The following ZMYM4 variants were observed in gnomAD, a reference collection of about 807,000 sequenced individuals.
ZMYM4 encodes the protein zinc finger MYM-type containing 4.
Under a neutral mutation model 183.2 loss-of-function variants are expected in ZMYM4, and 31 were observed. That is an observed-to-expected ratio of 0.17 (90% confidence interval 0.13 to 0.23). The LOEUF (loss-of-function observed/expected upper bound fraction) is 0.23, where lower values mean the gene tolerates loss of function less well. Among genes scored for constraint, ZMYM4 ranks in the 10% least tolerant of loss-of-function variants. ZMYM4 has a pLI of 1.00. For missense variants in ZMYM4, 1,273 were observed against 1,840.3 expected (o/e 0.69, Z 5.64); for synonymous variants, 592 against 631.2 (o/e 0.94, Z 0.93).
intron 9 of ZMYM4, 44 bp downstream of exon 9, chr1:35,381,802 T>C: frequency 6.3e-7 from 1 of 1,590,462 alleles, no homozygotes; most frequent in Non-Finnish European, 8.6e-7. Context: ...TCAGTTCAGG[T>C]AATCTGTATT....
chr1:35,374,015 G>A (rs1298895104), intron 7 of ZMYM4, among the ~76,000 whole-genome samples: 1 of 138,530 alleles, frequency 7.2e-6, no homozygotes, highest in Non-Finnish European at 1.6e-5. Context: ...TTCATCATGG[G>A]ATTCTTTTTT....
At chr1:35,390,412 A>G (rs184614347) in intron 15 of ZMYM4, among the ~76,000 whole-genome samples, 2 of 150,906 alleles carry the variant, frequency 1.3e-5, no homozygotes, top group Admixed American at 1.3e-4. Flanking sequence ...TGGGTAGGTA[A>G]AGGAAAAAGG....
chr1:35,277,703 A>C (rs555867328), intron 1 of ZMYM4, among the ~76,000 whole-genome samples: 27 of 152,196 alleles, frequency 1.8e-4, no homozygotes, highest in African/African-American at 6.5e-4. Context: ...TTCCCTCATC[A>C]ATTATTTGGT....
chr1:35,364,115 T>C (rs866079335), intron 5 of ZMYM4, among the ~76,000 whole-genome samples: 2 of 152,234 alleles, frequency 1.3e-5, no homozygotes, highest in African/African-American at 2.4e-5. Flanking sequence ...TATATACTTA[T>C]TCAGAATTAT....
At chr1:35,350,931 G>A in intron 2 of ZMYM4, 1 of 659,904 alleles carries the variant, frequency 1.5e-6, no homozygotes, top group Non-Finnish European at 2.7e-6. Context: ...TATAGAGGGG[G>A]ATATGATAGT....
At chr1:35,328,985 C>T (rs1232149942) in intron 2 of ZMYM4, among the ~76,000 whole-genome samples, 1 of 151,994 alleles carries the variant, frequency 6.6e-6, no homozygotes, top group Non-Finnish European at 1.5e-5. Context: ...ACTCATTGCC[C>T]AAGACCACCG....
At position 35,335,546 on chromosome 1, in the gene ZMYM4, C is replaced by T. The variant is rs150782998; in HGVS notation, c.85+10141C>T. ...GAGCCACCATGCCTGGCCCTCATTG[C>T]GTATTTCTGAGATTTTACTGCATTG... is the stretch of plus-strand genomic sequence containing the variant. On this transcript the variant is annotated intron_variant, in intron 2 of 29. Coordinates refer to ENST00000314607, the MANE Select transcript of ZMYM4 (RefSeq NM_005095.3). Among the ~76,000 whole-genome samples, 52 of 152,136 alleles carry T rather than the reference C, an allele frequency of 3.4e-4. 1 individual carries two copies. Among genetic ancestry groups the T allele is most frequent in the African/African-American group, 1.1e-3 (47 of 41,532 alleles).
Position 35,419,724 on chromosome 1 carries a change from CTG to C in ZMYM4, c.*50_*51del, listed in dbSNP as rs753999569. On this transcript the variant is annotated 3_prime_UTR_variant, in exon 30 of 30. Transcript: ENST00000314607. ...TTCATACATATTGGTATGCACCAAA[CTG>C]TGAATGCATCCAGCTGTTGGAAAAT... 1.1e-5 allele frequency: 17 copies of C among 1,571,362 alleles called. No individual in the cohort carries two copies. In the South Asian group the frequency reaches 1.3e-4, roughly 12 times the overall value.
intron 1 of ZMYM4, among the ~76,000 whole-genome samples, chr1:35,302,882 G>A (rs1247264095): frequency 1.3e-5 from 2 of 151,674 alleles, no homozygotes; most frequent in East Asian, 3.9e-4. Flanking sequence ...GCTCATGCCT[G>A]CAATCTCAGC....
chr1:35,381,149 T>G, intron 7 of ZMYM4, 110 bp from the exon 8 acceptor site: 1 of 878,624 alleles, frequency 1.1e-6, no homozygotes. Flanking sequence ...AATTCCAGTG[T>G]TATTTCCCTA....
intron 1 of ZMYM4, among the ~76,000 whole-genome samples, chr1:35,276,035 T>TTTTTG (rs1360908154): frequency 6.6e-6 from 1 of 152,184 alleles, no homozygotes; most frequent in Non-Finnish European, 1.5e-5. Context: ...ATAGTCCTTT[T>TTTTTG]TTTTGTTTTG....
chr1:35,360,934 G>A (rs1003069020), intron 3 of ZMYM4, among the ~76,000 whole-genome samples: 2 of 147,724 alleles, frequency 1.4e-5, no homozygotes, highest in Non-Finnish European at 3.0e-5. Flanking sequence ...AATTTTCAGA[G>A]CAAAAATAAT....
At chr1:35,318,938 G>A (rs145260053) in intron 1 of ZMYM4, among the ~76,000 whole-genome samples, 1,833 of 152,284 alleles carry the variant, frequency 0.012, 39 homozygotes, top group African/African-American at 0.042. Context: ...CCAGGGTGGA[G>A]TGCAGTGGCA....
In ZMYM4 at chr1:35,420,074, G is replaced by A. The variant is rs1254760179; in HGVS notation, c.*397G>A. ...TGGCTGCAATAGGCTACTTTGGCAA[G>A]CCCTCCGTAAAAGTCAGAGGAGAGA... On this transcript the variant is annotated 3_prime_UTR_variant, in exon 30 of 30. Coordinates refer to ENST00000314607, the MANE Select transcript of ZMYM4 (RefSeq NM_005095.3). 1.5e-5 allele frequency: 4 copies of A among 274,272 alleles called. No individual in the cohort carries two copies. The highest frequency in any genetic ancestry group is 8.7e-5 in the African/African-American group (4 of 45,750). 17.0% of individuals were successfully genotyped at this position (274,272 alleles called of 1,614,324 possible).
rs34277367 is a variant in ZMYM4, at chr1:35,394,162, CTTTTTTTT to C, written c.2911+446_2911+453del. Among the ~76,000 whole-genome samples the C allele has an allele frequency of 8.9e-3, 611 of 68,410 alleles. 1 individual carries two copies. Among genetic ancestry groups the C allele is most frequent in the Middle Eastern group, 0.033 (2 of 60 alleles). The allele number at this position is 68,410 out of a possible 152,430, so 44.9% of individuals were successfully genotyped here. ...CCTTTGAGGAGAGCTTCAGAGCTTTCTTTTTTTTTTTTTTTTTTTTTTTTTTTTTTATG... is the reference window on the plus strand; with the variant it reads ...CCTTTGAGGAGAGCTTCAGAGCTTTCTTTTTTTTTTTTTTTTTTTTTTATG... On this transcript the variant is annotated intron_variant, in intron 18 of 29. Coordinates refer to ENST00000314607, the MANE Select transcript of ZMYM4 (RefSeq NM_005095.3).
intron 2 of ZMYM4, among the ~76,000 whole-genome samples, chr1:35,347,970 C>G (rs993305222): frequency 6.6e-6 from 1 of 152,070 alleles, no homozygotes; most frequent in South Asian, 2.1e-4. Context: ...AGACTTTTGA[C>G]AGTTTTTAGG....
chr1:35,280,652 C>T (rs1442034207), intron 1 of ZMYM4, among the ~76,000 whole-genome samples: 2 of 152,184 alleles, frequency 1.3e-5, no homozygotes, highest in Admixed American at 6.5e-5. Context: ...ATTCTTCCTC[C>T]TCTCTTTGAG....
intron 23 of ZMYM4, among the ~76,000 whole-genome samples, chr1:35,403,276 C>T (rs567161210): frequency 1.7e-4 from 26 of 151,842 alleles, no homozygotes; most frequent in African/African-American, 5.1e-4. Context: ...TAATATTCTG[C>T]GAAGGTTTTT....
intron 5 of ZMYM4, among the ~76,000 whole-genome samples, chr1:35,367,520 C>T (rs1055253782): frequency 2.6e-5 from 4 of 152,234 alleles, no homozygotes; most frequent in African/African-American, 7.2e-5. Context: ...TGAGCCACCA[C>T]GTCTGGCCAT....
Sources: allele counts gnomAD v4.1 joint callset (sites outside exome capture counted in the v4.1 genomes callset), GRCh38; gene constraint gnomAD v4.1.1; transcripts MANE v1.5; gene names NCBI Gene and HGNC (gene_info 2026-07-23, HGNC 2026-07-21).